GABBR2: variants seen among roughly 807,000 people sequenced by gnomAD.
GABBR2 encodes G-protein coupled receptor 51.
Under a neutral mutation model 105.6 loss-of-function variants are expected in GABBR2, and 23 were observed. That is an observed-to-expected ratio of 0.22 (90% confidence interval 0.16 to 0.31). The LOEUF (loss-of-function observed/expected upper bound fraction) is 0.31, where lower values mean the gene tolerates loss of function less well. Among genes scored for constraint, GABBR2 ranks in the 10% least tolerant of loss-of-function variants. The pLI, the probability that GABBR2 is intolerant of heterozygous loss-of-function variation, is 1.00. For missense variants in GABBR2, 734 were observed against 1,245.5 expected, an observed-to-expected ratio of 0.59 and a Z score of 6.18; for synonymous variants, 478 against 499.7, an observed-to-expected ratio of 0.96 and a Z score of 0.58.
At position 98,523,773 on chromosome 9, in the gene GABBR2, G is replaced by C. The variant is rs967102379; in HGVS notation, c.630+18100C>G. ...CAGCTTTCTATTAGAAAACCCACCA[G>C]AGTTGTTGGTCATTTTAGAGAGGGG... On this transcript the variant is annotated intron_variant, in intron 3 of 18. Coordinates refer to ENST00000259455, the MANE Select transcript of GABBR2 (RefSeq NM_005458.8). Among the ~76,000 whole-genome samples, 7 of 152,290 alleles carry C rather than the reference G, an allele frequency of 4.6e-5. No individual in the cohort carries two copies. The East Asian group carries it at 1.2e-3, about 25-fold the overall frequency.
intron 3 of GABBR2, among the ~76,000 whole-genome samples, chr9:98,500,085 C>CA (rs1040709919): frequency 5.3e-5 from 8 of 151,742 alleles, no homozygotes; most frequent in African/African-American, 1.7e-4. Context: ...CAGACGAAAA[C>CA]AAAAAAAACT....
intron 2 of GABBR2, among the ~76,000 whole-genome samples, chr9:98,577,044 GTGGATGGATGGATGGACAGA>G (rs1320518084): frequency 1.8e-5 from 1 of 56,578 alleles, no homozygotes; most frequent in East Asian, 3.4e-4. Flanking sequence ...GGATGGATAG[GTGGATGGATGGATGGACAGA>G]TGGATGGATG....
At chr9:98,457,593 A>C (rs1317732956) in intron 6 of GABBR2, among the ~76,000 whole-genome samples, 4 of 152,192 alleles carry the variant, frequency 2.6e-5, no homozygotes, top group Admixed American at 6.5e-5. Context: ...AGGAGGGCCA[A>C]GAACACTGGA....
At chr9:98,541,220 T>G (rs1260592881) in intron 3 of GABBR2, among the ~76,000 whole-genome samples, 1 of 152,192 alleles carries the variant, frequency 6.6e-6, no homozygotes, top group Non-Finnish European at 1.5e-5. Flanking sequence ...GTCATTTGGC[T>G]TTAAAACAAA....
In GABBR2 at chr9:98,629,763, C is replaced by T. The variant is rs117085285; in HGVS notation, c.322-51691G>A. ...AACATACAACTCCCAGAAGGATGTG[C>T]TTGGAAAATTTGGGACAATGAACTG... On this transcript the variant is annotated intron_variant, in intron 1 of 18. Transcript: ENST00000259455. Among the ~76,000 whole-genome samples the T allele has an allele frequency of 5.9e-5, 9 of 152,220 alleles. No homozygotes were observed. The East Asian group carries it at 1.7e-3, about 29-fold the overall frequency.
At chr9:98,373,392 G>A (rs1488882832) in intron 11 of GABBR2, among the ~76,000 whole-genome samples, 1 of 152,182 alleles carries the variant, frequency 6.6e-6, no homozygotes, top group Non-Finnish European at 1.5e-5. Context: ...CTGAGGCCCA[G>A]CGCATTCAAG....
chr9:98,489,420 A>G (rs1200593228), intron 4 of GABBR2, among the ~76,000 whole-genome samples: 6 of 152,202 alleles, frequency 3.9e-5, no homozygotes, highest in Non-Finnish European at 2.9e-5. Flanking sequence ...ATTCACCTGC[A>G]ATAGGGAAGC....
intron 1 of GABBR2, among the ~76,000 whole-genome samples, chr9:98,685,262 G>A (rs1830606190): frequency 2.0e-5 from 3 of 152,212 alleles, no homozygotes; most frequent in South Asian, 4.1e-4. Flanking sequence ...GGTTTGGCAG[G>A]GGCTCTCAGG....
At chr9:98,361,727 C>T (rs1367752216) in intron 13 of GABBR2, among the ~76,000 whole-genome samples, 1 of 152,208 alleles carries the variant, frequency 6.6e-6, no homozygotes, top group African/African-American at 2.4e-5. Flanking sequence ...TGGAGTCCCA[C>T]TTCTATGTGG....
chr9:98,429,739 C>T (rs1249360778), intron 7 of GABBR2, among the ~76,000 whole-genome samples: 1 of 152,142 alleles, frequency 6.6e-6, no homozygotes, highest in Admixed American at 6.5e-5. Context: ...AGCAGGGGAG[C>T]TTTTCAGTCT....
chr9:98,541,298 C>T (rs1352158772), intron 3 of GABBR2, among the ~76,000 whole-genome samples: 1 of 152,092 alleles, frequency 6.6e-6, no homozygotes, highest in African/African-American at 2.4e-5. Flanking sequence ...AGAGAGAAAG[C>T]ATGATTCAGG....
chr9:98,484,545 G>C (rs1827001522), intron 4 of GABBR2, among the ~76,000 whole-genome samples: 1 of 152,154 alleles, frequency 6.6e-6, no homozygotes, highest in African/African-American at 2.4e-5. Flanking sequence ...CCGGAATCCA[G>C]GGTTGGGGAG....
chr9:98,357,588 G>A (rs916976685), intron 13 of GABBR2, among the ~76,000 whole-genome samples: 2 of 152,082 alleles, frequency 1.3e-5, no homozygotes, highest in African/African-American at 4.8e-5. Context: ...GGTGCAGTGA[G>A]CCGTGATCTT....
intron 7 of GABBR2, among the ~76,000 whole-genome samples, chr9:98,436,347 CCATATATATATATATATATAT>C (rs1564068175): frequency 0.059 from 1,874 of 31,612 alleles, 296 homozygotes; most frequent in Non-Finnish European, 0.069. Flanking sequence ...CACACACACA[CCATATATATATATATATATAT>C]ATATATATAT....
chr9:98,639,829 G>T (rs1050786638), intron 1 of GABBR2, among the ~76,000 whole-genome samples: 1 of 151,988 alleles, frequency 6.6e-6, no homozygotes, highest in South Asian at 2.1e-4. Flanking sequence ...ATCTCGGGAG[G>T]CACTCTGCTG....
At chr9:98,475,909 C>A (rs1012332569) in intron 5 of GABBR2, among the ~76,000 whole-genome samples, 3 of 152,092 alleles carry the variant, frequency 2.0e-5, no homozygotes, top group Admixed American at 1.3e-4. Context: ...CTAAAAAATA[C>A]AAAAATTAGC....
intron 7 of GABBR2, among the ~76,000 whole-genome samples, chr9:98,449,503 C>T (rs756604624): frequency 6.6e-6 from 1 of 152,126 alleles, no homozygotes; most frequent in African/African-American, 2.4e-5. Context: ...ATCTCTCAGA[C>T]TGCTGTTTAA....
intron 3 of GABBR2, among the ~76,000 whole-genome samples, chr9:98,531,714 G>C (rs1171968235): frequency 6.6e-6 from 1 of 152,238 alleles, no homozygotes; most frequent in Non-Finnish European, 1.5e-5. Flanking sequence ...TTGAACCCCA[G>C]GATCTGTCCC....
At chr9:98,533,688 A>G (rs1408072557) in intron 3 of GABBR2, among the ~76,000 whole-genome samples, 2 of 152,152 alleles carry the variant, frequency 1.3e-5, no homozygotes, top group Non-Finnish European at 2.9e-5. Context: ...CTTGTGCTGC[A>G]TCATGCAAAG....
Sources: allele counts gnomAD v4.1 joint callset (sites outside exome capture counted in the v4.1 genomes callset), GRCh38; gene constraint gnomAD v4.1.1; transcripts MANE v1.5; gene names NCBI Gene and HGNC (gene_info 2026-07-23, HGNC 2026-07-21).